NMRK1: variants seen among roughly 807,000 people sequenced by gnomAD.
NMRK1 encodes the protein nicotinamide riboside kinase 1, also known as NRK 1.
NMRK1 carries 28 observed loss-of-function variants against 29.9 expected under a neutral mutation model. The ratio of observed to expected loss-of-function variants is 0.94; its 90% CI spans 0.69 to 1.28. The LOEUF is 1.28. Among genes scored for constraint, NMRK1 ranks in the 50% most tolerant of loss-of-function variants. The pLI is 0.00. For missense variants in NMRK1, 218 were observed against 233.1 expected (o/e 0.94, Z 0.42); for synonymous variants, 58 against 73.0 (o/e 0.79, Z 1.05).
rs144402350 is a variant in NMRK1 at position 75,072,025 on chromosome 9, C to T, written c.170-1983G>A. Among the ~76,000 whole-genome samples, 421 of 152,312 alleles carry T rather than the reference C, an allele frequency of 2.8e-3. 3 individuals carry two copies. Among genetic ancestry groups the T allele is most frequent in the African/African-American group, 9.3e-3 (387 of 41,564 alleles). ...AATGGATCTTCTGGAAGTCTAGCTC[C>T]GCACCAAGCTAACAAAATGAAGGGA... On this transcript the variant is annotated intron_variant, in intron 4 of 8. Transcript: ENST00000361092.
At chr9:75,067,601 G>T (rs919991441) in intron 7 of NMRK1, among the ~76,000 whole-genome samples, 1 of 152,220 alleles carries the variant, frequency 6.6e-6, no homozygotes, top group African/African-American at 2.4e-5. Context: ...TAGAGGCCTT[G>T]ATGTCTGGCT....
rs779109309 is a variant in NMRK1 at position 75,083,162 on chromosome 9, AAAAC to A, written c.-35-16_-35-13del. ...CTTCCTAATATTTCCTAAAAGTAAA[AAAAC>A]AAACAAACAAATCAAATGCATTTCA... On this transcript the variant is annotated splice_polypyrimidine_tract_variant and intron_variant, in intron 1 of 8. Transcript: ENST00000361092. 3.0e-5 allele frequency: 40 copies of A among 1,320,084 alleles called. No individual in the cohort carries two copies. The highest frequency in any genetic ancestry group is 8.6e-5 in the African/African-American group (6 of 69,406). 81.8% of individuals were successfully genotyped at this position (1,320,084 alleles called of 1,614,324 possible).
Position 75,061,544 on chromosome 9 carries a change from G to A in NMRK1, c.*4C>T, listed in dbSNP as rs761857138. On this transcript the variant is annotated 3_prime_UTR_variant, in exon 9 of 9. Coordinates refer to ENST00000361092, the MANE Select transcript of NMRK1 (RefSeq NM_017881.3). ...CTTCAGGAAGGATTTGTTGTGTTCC[G>A]TCTTTATGCTGTCACTTGCAAACCT... is the stretch of plus-strand genomic sequence containing the variant. 8.7e-6 allele frequency: 14 copies of A among 1,609,368 alleles called. No individual in the cohort carries two copies. In the East Asian group the frequency reaches 2.0e-4, roughly 23 times the overall value.
intron 7 of NMRK1, 90 bp downstream of exon 7, chr9:75,068,906 C>T: frequency 1.2e-6 from 1 of 840,660 alleles, no homozygotes; most frequent in Non-Finnish European, 2.0e-6. Context: ...TTAAGCATCC[C>T]TTTATACTTT....
intron 4 of NMRK1, among the ~76,000 whole-genome samples, chr9:75,074,260 T>A (rs955434316): frequency 5.7e-4 from 85 of 148,158 alleles, no homozygotes; most frequent in African/African-American, 2.0e-3. Context: ...ATTGTTGGCT[T>A]AAAAAAAAAA....
intron 8 of NMRK1, 137 bp from the exon 9 acceptor site, chr9:75,061,704 G>T (rs1823029244): frequency 3.0e-6 from 2 of 662,292 alleles, no homozygotes; most frequent in Non-Finnish European, 5.2e-6. Flanking sequence ...TTCCTGTAAA[G>T]AACTAAATTG....
intron 4 of NMRK1, among the ~76,000 whole-genome samples, chr9:75,075,704 T>C (rs1313935727): frequency 2.6e-5 from 4 of 152,334 alleles, no homozygotes; most frequent in South Asian, 2.1e-4. Context: ...AGAATCCATC[T>C]AAAATATATT....
intron 6 of NMRK1, chr9:75,069,408 G>T (rs41287437): frequency 0.042 from 19,487 of 468,140 alleles, 548 homozygotes; most frequent in Middle Eastern, 0.071. Context: ...CACTATGTTG[G>T]ATTAAGCTTT....
chr9:75,077,322 A>C, intron 3 of NMRK1, 115 bp from the exon 4 acceptor site: 2 of 875,050 alleles, frequency 2.3e-6, no homozygotes, highest in East Asian at 2.4e-5. Context: ...AAGAAAGATC[A>C]GCACTGATAG....
intron 4 of NMRK1, among the ~76,000 whole-genome samples, chr9:75,075,543 A>C (rs1303298266): frequency 6.6e-6 from 1 of 152,220 alleles, no homozygotes; most frequent in Non-Finnish European, 1.5e-5. Context: ...AGTTTGTGTA[A>C]GTATTCAATG....
chr9:75,085,861 A>G (rs1235671615), intron 1 of NMRK1, among the ~76,000 whole-genome samples: 4 of 139,310 alleles, frequency 2.9e-5, no homozygotes, highest in African/African-American at 8.2e-5. Context: ...GCAAGTGACA[A>G]TGTGATGGGA....
intron 2 of NMRK1, among the ~76,000 whole-genome samples, chr9:75,081,745 C>A (rs979836690): frequency 6.6e-6 from 1 of 152,164 alleles, no homozygotes; most frequent in Non-Finnish European, 1.5e-5. Flanking sequence ...TCAGTGTAAT[C>A]CCACCTCTTT....
Position 75,083,117 on chromosome 9 carries a change from ATTAG to A in NMRK1, c.-6_-3del, listed in dbSNP as rs1419218618. 6.3e-7 allele frequency: 1 copy of A among 1,592,648 alleles called. No homozygotes were observed. The highest frequency in any genetic ancestry group is 1.3e-5 in the African/African-American group (1 of 74,658). ...GATTCCAATGATAAATGTTTTCATA[ATTAG>A]CTTTGAAAATCACAGCTTCCTAATA... On this transcript the variant is annotated 5_prime_UTR_variant, in exon 2 of 9. Transcript: ENST00000361092.
intron 7 of NMRK1, among the ~76,000 whole-genome samples, chr9:75,067,777 C>T (rs1472800932): frequency 6.6e-6 from 1 of 152,176 alleles, no homozygotes; most frequent in South Asian, 2.1e-4. Flanking sequence ...TCAGCATTGG[C>T]CCTGGGGGTA....
chr9:75,071,455 G>C (rs1368172330), intron 4 of NMRK1, among the ~76,000 whole-genome samples: 1 of 151,918 alleles, frequency 6.6e-6, no homozygotes, highest in Non-Finnish European at 1.5e-5. Flanking sequence ...TCAATTCTTT[G>C]TCAGATAATT....
chr9:75,070,843 A>C (rs976519388), intron 4 of NMRK1, among the ~76,000 whole-genome samples: 2 of 152,204 alleles, frequency 1.3e-5, no homozygotes, highest in Admixed American at 6.5e-5. Flanking sequence ...TTTCTAGGAA[A>C]TTGTCAATTT....
Position 75,060,859 on chromosome 9 carries a change from CAACACACA to C in NMRK1, c.*681_*688del, listed in dbSNP as rs1236399431. The C allele has an allele frequency of 7.5e-5, 7 of 93,252 alleles. No individual in the cohort carries two copies. In the Admixed American group the frequency reaches 8.3e-4, roughly 11 times the overall value. The allele number at this position is 93,252 out of a possible 1,614,324, so 5.8% of individuals were successfully genotyped here. On this transcript the variant is annotated 3_prime_UTR_variant, in exon 9 of 9. Coordinates refer to ENST00000361092, the MANE Select transcript of NMRK1 (RefSeq NM_017881.3). ...AGATACAATGGTATTAGATACACGC[CAACACACA>C]CACACACACACACACACACACACAC...
chr9:75,083,744 A>AT (rs912115822), intron 1 of NMRK1, among the ~76,000 whole-genome samples: 9 of 152,160 alleles, frequency 5.9e-5, no homozygotes, highest in South Asian at 2.1e-4. Context: ...GGCTAGGTAC[A>AT]TTTTTTTTGG....
At position 75,064,534 on chromosome 9, in the gene NMRK1, C is replaced by A. The variant is rs558503237; in HGVS notation, c.580+2223G>T. Among the ~76,000 whole-genome samples the A allele has an allele frequency of 7.9e-5, 12 of 152,238 alleles. 1 individual carries two copies. The highest frequency in any genetic ancestry group is 4.1e-4 in the South Asian group (2 of 4,830). ...CAAAGTAACAGATGGCAGGAGTGGG[C>A]GGGCATATCTGGCAAGGATTCTAAA... On this transcript the variant is annotated intron_variant, in intron 8 of 8. Transcript: ENST00000361092.
Sources: gnomAD v4.1 joint callset for allele counts (sites outside exome capture counted in the v4.1 genomes callset) on GRCh38, gnomAD v4.1.1 for gene constraint, MANE v1.5 for transcripts, NCBI Gene and HGNC (gene_info 2026-07-23, HGNC 2026-07-21) for gene names.